Variants in ANKRD13C observed in about 807,000 individuals in gnomAD.
The protein encoded by ANKRD13C is ankyrin repeat domain 13C, also known as ankyrin repeat domain-containing protein 13C.
A neutral mutation model predicts 65.5 loss-of-function variants in ANKRD13C; 16 were observed. The ratio of observed to expected loss-of-function variants is 0.24; its 90% CI spans 0.17 to 0.37. The LOEUF (loss-of-function observed/expected upper bound fraction) is 0.37. Ranked by LOEUF, ANKRD13C falls within the 10% of genes least tolerant of loss-of-function variation. The pLI is 1.00. For missense variants in ANKRD13C, 503 were observed against 655.9 expected (o/e 0.77, Z 2.55); for synonymous variants, 235 against 238.7 (o/e 0.98, Z 0.14).
chr1:70,347,848 A>G (rs1266582237), intron 1 of ANKRD13C, among the ~76,000 whole-genome samples: 1 of 152,214 alleles, frequency 6.6e-6, no homozygotes, highest in African/African-American at 2.4e-5. Flanking sequence ...ACACCCAGGT[A>G]AGGGGTATAA....
intron 9 of ANKRD13C, among the ~76,000 whole-genome samples, chr1:70,281,056 A>G (rs138130075): frequency 6.6e-6 from 1 of 152,194 alleles, no homozygotes; most frequent in African/African-American, 2.4e-5. Context: ...ACTACCTAAG[A>G]CAGAGAAAAG....
chr1:70,315,340 T>G (rs1681030264), intron 4 of ANKRD13C, 141 bp downstream of exon 4: 1 of 595,294 alleles, frequency 1.7e-6, no homozygotes, highest in Admixed American at 2.8e-5. Flanking sequence ...CATACACTAA[T>G]TATTGCTTAA....
chr1:70,354,701 C>G lies in ANKRD13C; in HGVS notation c.-293G>C. On this transcript the variant is annotated 5_prime_UTR_variant, in exon 1 of 13. Transcript: ENST00000370944. ...CGCTGCCTTACACCGAAAAACAGGGCACGGCCATCTTCCTCTTGCTCCTCT... is the reference window on the plus strand; with the variant it reads ...CGCTGCCTTACACCGAAAAACAGGGGACGGCCATCTTCCTCTTGCTCCTCT... The G allele has an allele frequency of 2.7e-6, 2 of 741,810 alleles. No individual in the cohort carries two copies. Among genetic ancestry groups the G allele is most frequent in the Non-Finnish European group, 4.3e-6 (2 of 467,418 alleles). The allele number at this position is 741,810 out of a possible 1,614,324, so 46.0% of individuals were successfully genotyped here. A position where few individuals can be genotyped will look rare whatever the true frequency, so the allele number is the denominator to read the frequency against.
chr1:70,303,639 A>G (rs1453029696), intron 6 of ANKRD13C, among the ~76,000 whole-genome samples: 1 of 152,236 alleles, frequency 6.6e-6, no homozygotes, highest in African/African-American at 2.4e-5. Flanking sequence ...CTTTGATACC[A>G]GAGAAGACAT....
In ANKRD13C at chr1:70,292,562, C is replaced by A. The variant is rs1679905567; in HGVS notation, c.1054-13G>T. ...TTCCTACTCTTTCCTAAAACAAAACCAAATATTTAAAAGTAAAATTTTTAG... is the reference window on the plus strand; with the variant it reads ...TTCCTACTCTTTCCTAAAACAAAACAAAATATTTAAAAGTAAAATTTTTAG... On this transcript the variant is annotated splice_polypyrimidine_tract_variant and intron_variant, in intron 8 of 12. Coordinates refer to ENST00000370944, the MANE Select transcript of ANKRD13C (RefSeq NM_030816.5). 1.3e-6 allele frequency: 2 copies of A among 1,568,090 alleles called. No individual in the cohort carries two copies. The highest frequency in any genetic ancestry group is 2.8e-5 in the African/African-American group (2 of 71,982).
At chr1:70,277,012 A>C (rs1226559044) in intron 9 of ANKRD13C, among the ~76,000 whole-genome samples, 168 bp from the exon 10 acceptor site, 1 of 152,222 alleles carries the variant, frequency 6.6e-6, no homozygotes, top group Non-Finnish European at 1.5e-5. Context: ...TGGTGGTTTA[A>C]GCTCTATTGG....
chr1:70,259,554 T>C lies in ANKRD13C; in HGVS notation c.*3163A>G, dbSNP rs1678326989. On this transcript the variant is annotated 3_prime_UTR_variant, in exon 13 of 13. Coordinates refer to ENST00000370944, the MANE Select transcript of ANKRD13C (RefSeq NM_030816.5). ...GATTCTTAACATGTTATGAAATTTT[T>C]AGGTGGCAACCAGAGTTAGTTACTA... 6.6e-6 allele frequency among the ~76,000 whole-genome samples: 1 copy of C among 152,200 alleles called. No homozygotes were observed.
At chr1:70,285,187 CT>C (rs60703728) in intron 9 of ANKRD13C, among the ~76,000 whole-genome samples, 2,367 of 105,234 alleles carry the variant, frequency 0.022, 26 homozygotes, top group African/African-American at 0.09. Context: ...TTTATAATGT[CT>C]TTTTTTTTTT....
At chr1:70,320,485 C>G (rs1376000234) in intron 3 of ANKRD13C, among the ~76,000 whole-genome samples, 1 of 151,928 alleles carries the variant, frequency 6.6e-6, no homozygotes, top group Non-Finnish European at 1.5e-5. Flanking sequence ...ATACGCACAT[C>G]ACCATGCCTG....
chr1:70,298,967 A>G (rs1350635918), intron 7 of ANKRD13C, among the ~76,000 whole-genome samples: 2 of 152,204 alleles, frequency 1.3e-5, no homozygotes, highest in African/African-American at 2.4e-5. Flanking sequence ...GCTGTATTAG[A>G]TAACAGGGAA....
At chr1:70,294,990 TCC>T (rs1439883387) in intron 8 of ANKRD13C, among the ~76,000 whole-genome samples, 1 of 152,020 alleles carries the variant, frequency 6.6e-6, no homozygotes, top group Non-Finnish European at 1.5e-5. Context: ...TTCTCCTCTC[TCC>T]CCCTTACTCT....
chr1:70,275,290 T>C (rs1330915968), intron 10 of ANKRD13C, among the ~76,000 whole-genome samples: 1 of 152,170 alleles, frequency 6.6e-6, no homozygotes, highest in Non-Finnish European at 1.5e-5. Flanking sequence ...TTGGCTTTTA[T>C]TTGCAACTCT....
intron 3 of ANKRD13C, among the ~76,000 whole-genome samples, chr1:70,315,819 A>T (rs536596689): frequency 1.3e-5 from 2 of 152,320 alleles, no homozygotes; most frequent in South Asian, 4.1e-4. Flanking sequence ...AGAACATGGG[A>T]CCTATATAGA....
intron 1 of ANKRD13C, among the ~76,000 whole-genome samples, chr1:70,338,037 T>G (rs537019818): frequency 6.6e-6 from 1 of 152,080 alleles, no homozygotes; most frequent in African/African-American, 2.4e-5. Context: ...AGGCGAAGGT[T>G]GCGGTGAACC....
At chr1:70,341,254 G>A (rs1682295078) in intron 1 of ANKRD13C, among the ~76,000 whole-genome samples, 1 of 151,376 alleles carries the variant, frequency 6.6e-6, no homozygotes, top group Non-Finnish European at 1.5e-5. Flanking sequence ...GCAGTTGGGT[G>A]TTTTTATCCT....
chr1:70,267,004 T>C (rs1678656938), intron 12 of ANKRD13C, among the ~76,000 whole-genome samples: 1 of 152,226 alleles, frequency 6.6e-6, no homozygotes, highest in Admixed American at 6.5e-5. Flanking sequence ...TCTGTTGTTA[T>C]ATCAATTGTT....
intron 2 of ANKRD13C, among the ~76,000 whole-genome samples, chr1:70,335,387 T>C (rs913916008): frequency 4.1e-5 from 6 of 146,640 alleles, no homozygotes; most frequent in East Asian, 2.0e-4. Context: ...GCCTGGGCAA[T>C]AGAGCGAGAC....
chr1:70,269,045 C>T (rs72929237), intron 12 of ANKRD13C, among the ~76,000 whole-genome samples: 2 of 141,320 alleles, frequency 1.4e-5, no homozygotes, highest in Non-Finnish European at 3.0e-5. Context: ...CCCCCTCCCC[C>T]CTAATTTCCA....
chr1:70,311,380 T>C (rs760577169), intron 5 of ANKRD13C, among the ~76,000 whole-genome samples: 6 of 151,962 alleles, frequency 3.9e-5, no homozygotes, highest in Admixed American at 6.6e-5. Flanking sequence ...GAGGCTGAGG[T>C]GTTAGGATCA....
Sources: allele counts gnomAD v4.1 joint callset (sites outside exome capture counted in the v4.1 genomes callset), GRCh38; gene constraint gnomAD v4.1.1; transcripts MANE v1.5; gene names NCBI Gene and HGNC (gene_info 2026-07-23, HGNC 2026-07-21).